Variants in PYROXD2 observed in about 807,000 individuals in gnomAD.
The protein encoded by PYROXD2 is pyridine nucleotide-disulphide oxidoreductase domain 2.
A neutral mutation model predicts 71.1 loss-of-function variants in PYROXD2; 69 were observed. The observed-to-expected ratio is 0.97, with a 90% CI of 0.80 to 1.19. PYROXD2 has a LOEUF of 1.19. Ranked by LOEUF, PYROXD2 falls within the 50% of genes most tolerant of loss-of-function variation. The pLI, the probability that PYROXD2 is intolerant of heterozygous loss-of-function variation, is 0.00. For synonymous variants in PYROXD2, 287 were observed against 302.7 expected, an observed-to-expected ratio of 0.95 and a Z score of 0.54; for missense variants, 745 against 748.9, an observed-to-expected ratio of 0.99 and a Z score of 0.06.
Position 98,388,372 on chromosome 10 carries a change from C to G in PYROXD2, c.1429G>C (p.Asp477His). Residue 477 changes from aspartate (D) to histidine (H), a missense_variant, in exon 13 of 16, where the codon GAC becomes CAC. Coordinates refer to ENST00000370575, the MANE Select transcript of PYROXD2 (RefSeq NM_032709.3). ...GGKAWDEQER[D>H]AYADRVFDCI... ...TCTTTACCTCTGTCTGCATAAGCGT[C>G]TCTCTCCTGCTCGTCCCAGGCCTTG... 1 of 1,613,808 alleles carries G rather than the reference C, an allele frequency of 6.2e-7. No homozygotes were observed. The highest frequency in any genetic ancestry group is 8.5e-7 in the Non-Finnish European group (1 of 1,179,958).
intron 4 of PYROXD2, among the ~76,000 whole-genome samples, chr10:98,404,779 C>T (rs563668445): frequency 2.0e-5 from 3 of 152,214 alleles, no homozygotes; most frequent in South Asian, 4.1e-4. Context: ...TCAGAATGAC[C>T]TGAGAATGCC....
rs765609712 is a variant in PYROXD2, at chr10:98,414,988, C to A, written c.127+21G>T. 3.1e-6 allele frequency: 5 copies of A among 1,610,988 alleles called. No individual in the cohort carries two copies. The South Asian group carries it at 5.5e-5, about 18-fold the overall frequency. Reference sequence around the variant, plus strand: ...GTCTTCCCGCCCCTCAGCTCTGGCCCGGCCTGCTTTACCACTTTACCTGCT... The same window carrying A: ...GTCTTCCCGCCCCTCAGCTCTGGCCAGGCCTGCTTTACCACTTTACCTGCT... On this transcript the variant is annotated intron_variant, in intron 1 of 15. Transcript: ENST00000370575.
Position 98,395,330 on chromosome 10 carries a change from C to T in PYROXD2, c.688-37G>A, listed in dbSNP as rs772778131. On this transcript the variant is annotated intron_variant, in intron 7 of 15. Transcript: ENST00000370575. ...AACAGCAGAGAGAAGGGCTTAGGAG[C>T]CTGGATGGGAGGAGGGCCCTCTCAC... is the stretch of plus-strand genomic sequence containing the variant. The T allele has an allele frequency of 6.8e-6, 11 of 1,613,748 alleles. No individual in the cohort carries two copies. The African/African-American group carries it at 1.1e-4, about 16-fold the overall frequency.
chr10:98,394,993 G>C (rs1419411570), intron 8 of PYROXD2, among the ~76,000 whole-genome samples: 1 of 152,118 alleles, frequency 6.6e-6, no homozygotes, highest in East Asian at 1.9e-4. Context: ...CTTTGGGCAA[G>C]ACACTCCCTT....
At chr10:98,414,974 C>T (rs1424703349) in intron 1 of PYROXD2, 35 bp downstream of exon 1, 2 of 1,607,436 alleles carry the variant, frequency 1.2e-6, no homozygotes, top group South Asian at 1.1e-5. Context: ...TCTTCCCGCC[C>T]CTCAGCTCTG....
chr10:98,413,518 A>G (rs1363458933), intron 1 of PYROXD2, among the ~76,000 whole-genome samples: 1 of 152,142 alleles, frequency 6.6e-6, no homozygotes, highest in Non-Finnish European at 1.5e-5. Context: ...GTTTGAGATC[A>G]GCCTCGCCAA....
At chr10:98,387,367 T>C in intron 13 of PYROXD2, 60 bp from the exon 14 acceptor site, 1 of 1,232,354 alleles carries the variant, frequency 8.1e-7, no homozygotes, top group Non-Finnish European at 1.2e-6. Context: ...GCACTATGGG[T>C]GTACAACTTG....
chr10:98,409,793 T>C (rs1437745781), intron 2 of PYROXD2, among the ~76,000 whole-genome samples: 2 of 152,148 alleles, frequency 1.3e-5, no homozygotes, highest in Admixed American at 6.5e-5. Context: ...TAATATAAAA[T>C]CAGGCCGGGC....
chr10:98,397,201 C>T (rs987053295), intron 6 of PYROXD2, 144 bp downstream of exon 6: 4 of 1,123,126 alleles, frequency 3.6e-6, no homozygotes, highest in African/African-American at 1.6e-5. Flanking sequence ...GTGCTCCAGG[C>T]TGCCCCTAAT....
intron 1 of PYROXD2, chr10:98,411,301 C>T (rs911205063): frequency 8.3e-5 from 25 of 300,248 alleles, no homozygotes; most frequent in South Asian, 6.9e-4. Context: ...GGGAGCAGCA[C>T]GGTTGAGTTG....
intron 8 of PYROXD2, among the ~76,000 whole-genome samples, chr10:98,394,539 T>A (rs1157882870): frequency 8.3e-6 from 1 of 120,898 alleles, no homozygotes; most frequent in Non-Finnish European, 1.6e-5. Context: ...GCATTCTCCA[T>A]CCCAACACAC....
intron 1 of PYROXD2, chr10:98,414,805 A>T: frequency 1.5e-6 from 1 of 673,410 alleles, no homozygotes; most frequent in African/African-American, 1.8e-5. Context: ...GCCACACAGC[A>T]GAGCCAGCAC....
At chr10:98,394,681 C>A (rs1843092637) in intron 8 of PYROXD2, among the ~76,000 whole-genome samples, 1 of 151,962 alleles carries the variant, frequency 6.6e-6, no homozygotes, top group African/African-American at 2.4e-5. Context: ...TCAGCACAAA[C>A]CCTCACTCAT....
intron 12 of PYROXD2, 32 bp from the exon 13 acceptor site, chr10:98,388,540 AAG>A: frequency 6.5e-7 from 1 of 1,540,548 alleles, no homozygotes. Context: ...GGCAGGTCTA[AAG>A]AGCAGCAGTG....
At position 98,407,447 on chromosome 10, in the gene PYROXD2, C is replaced by T. The variant is rs889145775; in HGVS notation, c.315+135G>A. 7 of 1,060,784 alleles carry T rather than the reference C, an allele frequency of 6.6e-6. No homozygotes were observed. The African/African-American group carries it at 1.1e-4, about 17-fold the overall frequency. The allele number at this position is 1,060,784 out of a possible 1,614,324, so 65.7% of individuals were successfully genotyped here. A position where few individuals can be genotyped will look rare whatever the true frequency, so the allele number is the denominator to read the frequency against. ...TGCAGCAGGGAGACCACGTGGGATA[C>T]ACAAGACTTGGGTGGAAGAGGGAGC... is the stretch of plus-strand genomic sequence containing the variant. On this transcript the variant is annotated intron_variant, in intron 4 of 15. Coordinates refer to ENST00000370575, the MANE Select transcript of PYROXD2 (RefSeq NM_032709.3).
intron 1 of PYROXD2, chr10:98,411,493 GT>G (rs34431381): frequency 1.4e-3 from 201 of 144,286 alleles, no homozygotes; most frequent in African/African-American, 1.5e-3. Context: ...ATTCACATGG[GT>G]TTTTTTTTTT....
chr10:98,394,696 A>G (rs1271419137), intron 8 of PYROXD2, among the ~76,000 whole-genome samples: 1 of 152,026 alleles, frequency 6.6e-6, no homozygotes, highest in Non-Finnish European at 1.5e-5. Context: ...ACTCATAAAG[A>G]AAAAGGCAGC....
intron 10 of PYROXD2, among the ~76,000 whole-genome samples, chr10:98,391,485 T>A (rs151125785): frequency 0.014 from 2,135 of 152,286 alleles, 52 homozygotes; most frequent in African/African-American, 0.049. Context: ...GCTTTGCCCC[T>A]AAGAATTGCC....
At chr10:98,384,100 C>T (rs1229048584) in intron 15 of PYROXD2, among the ~76,000 whole-genome samples, 7 of 150,062 alleles carry the variant, frequency 4.7e-5, no homozygotes, top group Non-Finnish European at 7.4e-5. Flanking sequence ...ACAGTCTCAA[C>T]GGCTGAGGGT....
Sources: allele counts gnomAD v4.1 joint callset (sites outside exome capture counted in the v4.1 genomes callset), GRCh38; gene constraint gnomAD v4.1.1; transcripts MANE v1.5; gene names NCBI Gene and HGNC (gene_info 2026-07-23, HGNC 2026-07-21).